The following TMEM178A variants were observed in gnomAD, a reference collection of about 807,000 sequenced individuals.
TMEM178A encodes the protein transmembrane protein 178A.
In TMEM178A, 12 loss-of-function variants were observed where a neutral mutation model predicts 29.1. That is an observed-to-expected ratio of 0.41 (90% CI 0.26 to 0.67). The LOEUF (loss-of-function observed/expected upper bound fraction) is 0.67. Ranked by LOEUF, TMEM178A falls within the 30% of genes least tolerant of loss-of-function variation. The pLI is 0.29. For missense variants in TMEM178A, 366 were observed against 419.1 expected (o/e 0.87, Z 1.11); for synonymous variants, 210 against 187.2 (o/e 1.12, Z -0.99).
At chr2:39,731,490 GT>G in the TMEM178A span, among the ~76,000 whole-genome samples, 1 of 152,184 alleles carries the variant, frequency 6.6e-6, no homozygotes, top group Non-Finnish European at 1.5e-5. Flanking sequence ...GCAAGAGAAT[GT>G]CTAGGAAGCA....
chr2:39,735,580 T>TA, the TMEM178A span, among the ~76,000 whole-genome samples: 1 of 152,186 alleles, frequency 6.6e-6, no homozygotes, highest in Non-Finnish European at 1.5e-5. Context: ...AGATACCGAG[T>TA]AACGAATTCA....
intron 1 of TMEM178A, among the ~76,000 whole-genome samples, chr2:39,693,156 A>G (rs1671395111): frequency 6.6e-6 from 1 of 152,162 alleles, no homozygotes; most frequent in African/African-American, 2.4e-5. Context: ...AAAAACAACA[A>G]CAACAAAAGT....
chr2:39,717,269 G>A lies in TMEM178A; in HGVS notation c.*18G>A. 1 of 1,611,792 alleles carries A rather than the reference G, an allele frequency of 6.2e-7. No homozygotes were observed. Among genetic ancestry groups the A allele is most frequent in the Non-Finnish European group, 8.5e-7 (1 of 1,178,878 alleles). On this transcript the variant is annotated 3_prime_UTR_variant, in exon 4 of 4. Coordinates refer to ENST00000281961, the MANE Select transcript of TMEM178A (RefSeq NM_152390.3). The stretch of plus-strand genomic sequence containing the variant: ...CGGTATGACTGTCCTCACTGGGCCT[G>A]TCCACAGTGCGAGCGACTCCTGAGG...
intron 3 of TMEM178A, 130 bp downstream of exon 3, chr2:39,707,316 T>A: frequency 8.5e-7 from 1 of 1,179,444 alleles, no homozygotes. Context: ...CAGAAGGTCA[T>A]TTTGGCTTTG....
At chr2:39,691,700 G>A (rs975306916) in intron 1 of TMEM178A, among the ~76,000 whole-genome samples, 20 of 152,128 alleles carry the variant, frequency 1.3e-4, no homozygotes, top group African/African-American at 4.8e-4. Flanking sequence ...GTTCTTTGAA[G>A]CATTATTCAC....
intron 2 of TMEM178A, among the ~76,000 whole-genome samples, chr2:39,706,552 C>T (rs1365290329): frequency 6.6e-6 from 1 of 152,310 alleles, no homozygotes; most frequent in Non-Finnish European, 1.5e-5. Flanking sequence ...CCCTATTTCA[C>T]AATAGCTTTT....
At chr2:39,701,224 A>G (rs927969148) in intron 1 of TMEM178A, among the ~76,000 whole-genome samples, 1 of 152,112 alleles carries the variant, frequency 6.6e-6, no homozygotes, top group Non-Finnish European at 1.5e-5. Flanking sequence ...ATTTATTTTT[A>G]GGCCAGGTCT....
At chr2:39,696,647 C>T (rs181268214) in intron 1 of TMEM178A, among the ~76,000 whole-genome samples, 2 of 152,080 alleles carry the variant, frequency 1.3e-5, no homozygotes, top group Admixed American at 6.5e-5. Flanking sequence ...GTATACTGCC[C>T]GCCTCATTAT....
At chr2:39,678,190 C>A (rs1329965045) in intron 1 of TMEM178A, among the ~76,000 whole-genome samples, 1 of 152,122 alleles carries the variant, frequency 6.6e-6, no homozygotes, top group African/African-American at 2.4e-5. Flanking sequence ...ATAAGTTAAA[C>A]ATAGAAGAAC....
intron 1 of TMEM178A, among the ~76,000 whole-genome samples, chr2:39,693,546 A>G (rs1197907017): frequency 1.3e-5 from 2 of 152,180 alleles, no homozygotes; most frequent in Admixed American, 6.5e-5. Flanking sequence ...TGGCATAATC[A>G]GGTCCCTTTT....
At position 39,666,187 on chromosome 2, in the gene TMEM178A, C is replaced by A; in HGVS notation, c.213C>A (p.Pro71=). ...PLSHLPLRDS[P]PLGRRLLPGG... ...CGCACCTGCCGCTGCGGGACTCGCC[C>A]CCGCTGGGGCGCCGGCTGCTCCCGG... Residue 71 remains proline (P), a synonymous_variant, in exon 1 of 4, where the codon CCC becomes CCA. Coordinates refer to ENST00000281961, the MANE Select transcript of TMEM178A (RefSeq NM_152390.3). 6.9e-7 allele frequency: 1 copy of A among 1,446,938 alleles called. No homozygotes were observed. The highest frequency in any genetic ancestry group is 3.1e-5 in the East Asian group (1 of 32,516). The allele number at this position is 1,446,938 out of a possible 1,614,324, so 89.6% of individuals were successfully genotyped here. A position where few individuals can be genotyped will look rare whatever the true frequency, so the allele number is the denominator to read the frequency against.
intron 3 of TMEM178A, 141 bp downstream of exon 3, chr2:39,707,327 C>T: frequency 1.9e-6 from 2 of 1,059,660 alleles, no homozygotes; most frequent in African/African-American, 1.6e-5. Context: ...TTTGGCTTTG[C>T]TGGAAAATAC....
downstream of TMEM178A, among the ~76,000 whole-genome samples, chr2:39,722,902 G>A (rs1186974727): frequency 6.6e-6 from 1 of 152,164 alleles, no homozygotes; most frequent in Non-Finnish European, 1.5e-5. Flanking sequence ...ATCAGCAAGT[G>A]TTCTAAATCA....
In TMEM178A at chr2:39,707,303, A is replaced by T. The variant is rs1435649989; in HGVS notation, c.652+117A>T. On this transcript the variant is annotated intron_variant, in intron 3 of 3. Transcript: ENST00000281961. ...ATTTTGTTTTCACTGTTAGAAAAGC[A>T]ACCAGAAGGTCATTTTGGCTTTGCT... 7.8e-6 allele frequency: 10 copies of T among 1,276,600 alleles called. No individual in the cohort carries two copies. The African/African-American group carries it at 1.2e-4, about 15-fold the overall frequency. The allele number at this position is 1,276,600 out of a possible 1,614,324, so 79.1% of individuals were successfully genotyped here.
At chr2:39,693,837 A>C (rs1181357246) in intron 1 of TMEM178A, among the ~76,000 whole-genome samples, 1 of 152,214 alleles carries the variant, frequency 6.6e-6, no homozygotes, top group Non-Finnish European at 1.5e-5. Flanking sequence ...CAATATAATA[A>C]GTACATTAAA....
At chr2:39,706,552 C>A (rs1365290329) in intron 2 of TMEM178A, among the ~76,000 whole-genome samples, 2 of 152,192 alleles carry the variant, frequency 1.3e-5, no homozygotes, top group Non-Finnish European at 2.9e-5. Context: ...CCCTATTTCA[C>A]AATAGCTTTT....
chr2:39,735,226 C>T, the TMEM178A span, among the ~76,000 whole-genome samples: 19 of 152,294 alleles, frequency 1.2e-4, no homozygotes, highest in African/African-American at 3.1e-4. Flanking sequence ...CCTTTATCCG[C>T]AGTATCCACT....
Position 39,717,103 on chromosome 2 carries a change from A to T in TMEM178A, c.746A>T (p.Asp249Val). The T allele has an allele frequency of 6.2e-7, 1 of 1,612,228 alleles. No homozygotes were observed. Among genetic ancestry groups the T allele is most frequent in the Non-Finnish European group, 8.5e-7 (1 of 1,179,766 alleles). ...LPKLIYSLPA[D>V]VEHGYSWSIF... ...AAGCTAATTTATAGCCTGCCTGCTG[A>T]TGTGGAACATGGTTACAGCTGGTCC... The change falls in exon 4 of 4, where the codon GAT (aspartate) becomes GTT (valine). Residue 249 changes from aspartate to valine, a missense_variant. Asp to Val is a radical substitution (Grantham distance 152). Transcript: ENST00000281961.
intron 3 of TMEM178A, among the ~76,000 whole-genome samples, chr2:39,710,385 C>T (rs1315357117): frequency 6.6e-6 from 1 of 152,076 alleles, no homozygotes; most frequent in African/African-American, 2.4e-5. Context: ...AACAAAACAA[C>T]CTTTTTTCAA....
Sources: allele counts gnomAD v4.1 joint callset (sites outside exome capture counted in the v4.1 genomes callset), GRCh38; gene constraint gnomAD v4.1.1; transcripts MANE v1.5; gene names NCBI Gene and HGNC (gene_info 2026-07-23, HGNC 2026-07-21).